The following PLCD3 variants were observed in gnomAD, a reference collection of about 807,000 sequenced individuals.
PLCD3 encodes 1-phosphatidylinositol 4,5-bisphosphate phosphodiesterase delta-3.
Under a neutral mutation model 82.8 loss-of-function variants are expected in PLCD3, and 62 were observed. The observed-to-expected ratio is 0.75, with a 90% confidence interval of 0.61 to 0.93. PLCD3 has a LOEUF of 0.93. Ranked by LOEUF, PLCD3 falls within the 40% of genes least tolerant of loss-of-function variation. The pLI is 0.00. For missense variants in PLCD3, 1,023 were observed against 1,103.4 expected, an observed-to-expected ratio of 0.93 and a Z score of 1.03; for synonymous variants, 478 against 471.8, an observed-to-expected ratio of 1.01 and a Z score of -0.17.
At position 45,132,132 on chromosome 17, in the gene PLCD3, A is replaced by T. The variant is rs1368568683; in HGVS notation, c.163+116T>A. On this transcript the variant is annotated intron_variant, in intron 1 of 14. Transcript: ENST00000619929. This position sits in a 1 kb window ranked among gnomAD's most constrained non-coding sequence, Gnocchi z 4.6. ...GGGAGCTGGCCCTCCGCCCCTAGCC[A>T]TAGCCTCCCAGCCCCGTGCAGCCTG... 1 of 1,116,744 alleles carries T rather than the reference A, an allele frequency of 9.0e-7. No individual in the cohort carries two copies. The highest frequency in any genetic ancestry group is 1.1e-6 in the Non-Finnish European group (1 of 884,832). 69.2% of individuals were successfully genotyped at this position (1,116,744 alleles called of 1,614,324 possible).
intron 1 of PLCD3, among the ~76,000 whole-genome samples, chr17:45,129,734 A>G (rs2054405913): frequency 6.6e-6 from 1 of 152,156 alleles, no homozygotes; most frequent in Non-Finnish European, 1.5e-5. Flanking sequence ...TCTCTCTTCA[A>G]TGATTCCCTG....
At position 45,132,204 on chromosome 17, in the gene PLCD3, G is replaced by A. The variant is rs1259220339; in HGVS notation, c.163+44C>T. ...TGGAGCGCCCCAGACTGGGCCTCTG[G>A]GAACGGTCCGCGCCCACCCCACCGC... On this transcript the variant is annotated intron_variant, in intron 1 of 14. Coordinates refer to ENST00000619929, the MANE Select transcript of PLCD3 (RefSeq NM_133373.5). The surrounding 1 kb of genome is among the most constrained non-coding windows in gnomAD (Gnocchi z 4.6). 1.6e-6 allele frequency: 2 copies of A among 1,244,336 alleles called. No individual in the cohort carries two copies. The highest frequency in any genetic ancestry group is 2.0e-6 in the Non-Finnish European group (2 of 993,618). The allele number at this position is 1,244,336 out of a possible 1,614,324, so 77.1% of individuals were successfully genotyped here.
At position 45,132,417 on chromosome 17, in the gene PLCD3, G is replaced by A. The variant is rs1029644977; in HGVS notation, c.-7C>T. The A allele has an allele frequency of 8.3e-7, 1 of 1,211,628 alleles. No homozygotes were observed. Among genetic ancestry groups the A allele is most frequent in the African/African-American group, 1.6e-5 (1 of 63,448 alleles). The allele number at this position is 1,211,628 out of a possible 1,614,324, so 75.1% of individuals were successfully genotyped here. A position where few individuals can be genotyped will look rare whatever the true frequency, so the allele number is the denominator to read the frequency against. On this transcript the variant is annotated 5_prime_UTR_variant, in exon 1 of 15. Transcript: ENST00000619929. The surrounding 1 kb of genome is among the most constrained non-coding windows in gnomAD (Gnocchi z 4.6). The stretch of plus-strand genomic sequence containing the variant: ...TCCAGCGGCCGCACAGCATGGCTTG[G>A]CGGGGGGCCGGGGCCGGGCCCGGGG...
chr17:45,118,825 G>A lies in PLCD3; in HGVS notation c.903C>T (p.Leu301=), dbSNP rs2054313169. The A allele has an allele frequency of 1.9e-6, 3 of 1,603,658 alleles. No homozygotes were observed. Among genetic ancestry groups the A allele is most frequent in the Non-Finnish European group, 8.5e-7 (1 of 1,173,758 alleles). ...TGCCACCCCCCCCACCTGTCTCGTT[G>A]AGCTCATAGGTCTGAATGAGCTGCT... The part of the protein sequence containing the change: ...RAQQLIQTYE[L]NETAKQHELM... Residue 301 remains leucine (L), a synonymous_variant, in exon 5 of 15, where the codon CTC becomes CTT. Coordinates refer to ENST00000619929, the MANE Select transcript of PLCD3 (RefSeq NM_133373.5). The surrounding 1 kb of genome is among the most constrained non-coding windows in gnomAD (Gnocchi z 4.1).
Position 45,111,408 on chromosome 17 carries a change from G to A in PLCD3, c.*1208C>T, listed in dbSNP as rs1238828007. 1 of 151,994 alleles carries A rather than the reference G, an allele frequency of 6.6e-6. No individual in the cohort carries two copies. Among genetic ancestry groups the A allele is most frequent in the Non-Finnish European group, 1.5e-5 (1 of 68,632 alleles). 9.4% of individuals were successfully genotyped at this position (151,994 alleles called of 1,614,324 possible). A position where few individuals can be genotyped will look rare whatever the true frequency, so the allele number is the denominator to read the frequency against. On this transcript the variant is annotated 3_prime_UTR_variant, in exon 15 of 15. Coordinates refer to ENST00000619929, the MANE Select transcript of PLCD3 (RefSeq NM_133373.5). ...TGTGTGTGTGTGTGTGTGTGTTGTG[G>A]GGAGGCGCTGACCTGCTGAATTGGC...
chr17:45,115,582 G>A (rs1433526634), intron 8 of PLCD3, 92 bp from the exon 9 acceptor site: 1 of 1,189,628 alleles, frequency 8.4e-7, no homozygotes, highest in South Asian at 1.4e-5. Context: ...CTTGTGAGGG[G>A]CTGGCTAGGG....
intron 1 of PLCD3, among the ~76,000 whole-genome samples, chr17:45,125,365 G>A (rs943635468): frequency 7.9e-5 from 12 of 152,128 alleles, no homozygotes; most frequent in East Asian, 3.9e-4. Flanking sequence ...TTGGGAGGCC[G>A]AGGCAGGCAG....
At chr17:45,123,577 C>T (rs532596402) in intron 1 of PLCD3, among the ~76,000 whole-genome samples, 3 of 152,260 alleles carry the variant, frequency 2.0e-5, no homozygotes, top group East Asian at 1.9e-4. Context: ...GCAGAGGCCT[C>T]GCAGGTCAGG....
At chr17:45,122,731 G>A (rs1210163960) in intron 1 of PLCD3, among the ~76,000 whole-genome samples, 2 of 152,046 alleles carry the variant, frequency 1.3e-5, no homozygotes, top group South Asian at 2.1e-4. Context: ...GGAGAGTTTC[G>A]GCCCTCTCCT....
chr17:45,124,180 G>T (rs1048999099), intron 1 of PLCD3, among the ~76,000 whole-genome samples: 5 of 152,216 alleles, frequency 3.3e-5, no homozygotes, highest in Admixed American at 1.3e-4. Flanking sequence ...CCATGGGTGT[G>T]GGGGAGATGA....
At position 45,132,162 on chromosome 17, in the gene PLCD3, A is replaced by C; in HGVS notation, c.163+86T>G. 1 of 1,199,392 alleles carries C rather than the reference A, an allele frequency of 8.3e-7. No individual in the cohort carries two copies. The highest frequency in any genetic ancestry group is 1.0e-6 in the Non-Finnish European group (1 of 959,474). 74.3% of individuals were successfully genotyped at this position (1,199,392 alleles called of 1,614,324 possible). A position where few individuals can be genotyped will look rare whatever the true frequency, so the allele number is the denominator to read the frequency against. On this transcript the variant is annotated intron_variant, in intron 1 of 14. Coordinates refer to ENST00000619929, the MANE Select transcript of PLCD3 (RefSeq NM_133373.5). This position sits in a 1 kb window ranked among gnomAD's most constrained non-coding sequence, Gnocchi z 4.6. The stretch of plus-strand genomic sequence containing the variant: ...CTCCCAGCCCCGTGCAGCCTGGGGA[A>C]TCCACGAACTGCTCCCTGGAGCGCC...
At chr17:45,127,810 G>A (rs2054392365) in intron 1 of PLCD3, among the ~76,000 whole-genome samples, 1 of 38,128 alleles carries the variant, frequency 2.6e-5, no homozygotes. Context: ...GTGAGTGTGT[G>A]CGTGTGAGTG....
chr17:45,120,360 C>G lies in PLCD3; in HGVS notation c.649G>C (p.Asp217His). ...IKSLLRMVNV[D>H]MNDMYAYLLF... The stretch of plus-strand genomic sequence containing the variant: ...AGGTAGGCGTACATGTCGTTCATGT[C>G]CACGTTGACCATTCTCAGCAGGCTC... Residue 217 changes from aspartate (D) to histidine (H), a missense_variant, in exon 4 of 15, where the codon GAC becomes CAC. By Grantham distance (81) the Asp-to-His change is moderately conservative. Around this residue, in one of 3 missense-constraint regions of PLCD3, gnomAD observed 448 missense variants for 406.3 expected, o/e 1.10. Coordinates refer to ENST00000619929, the MANE Select transcript of PLCD3 (RefSeq NM_133373.5). 1 of 1,613,992 alleles carries G rather than the reference C, an allele frequency of 6.2e-7. No homozygotes were observed. Among genetic ancestry groups the G allele is most frequent in the Non-Finnish European group, 8.5e-7 (1 of 1,179,876 alleles).
intron 12 of PLCD3, 44 bp downstream of exon 12, chr17:45,113,395 G>C (rs1166843357): frequency 6.4e-7 from 1 of 1,566,234 alleles, no homozygotes; most frequent in Admixed American, 1.9e-5. Flanking sequence ...AGCCTTTCTA[G>C]AACCAGTCTG....
At position 45,115,049 on chromosome 17, in the gene PLCD3, T is replaced by A. The variant is rs1186804778; in HGVS notation, c.1711+45A>T. 5 of 1,554,996 alleles carry A rather than the reference T, an allele frequency of 3.2e-6. 1 individual carries two copies. Among genetic ancestry groups the A allele is most frequent in the South Asian group, 2.4e-5 (2 of 82,744 alleles). ...TCCTTTCCAGACTCCCTTCAGGAGGTCTCTCACCCTCTCGCCCCCAGACAC... is the reference window on the plus strand; with the variant it reads ...TCCTTTCCAGACTCCCTTCAGGAGGACTCTCACCCTCTCGCCCCCAGACAC... On this transcript the variant is annotated intron_variant, in intron 10 of 14. Coordinates refer to ENST00000619929, the MANE Select transcript of PLCD3 (RefSeq NM_133373.5).
Position 45,113,592 on chromosome 17 carries a change from G to C in PLCD3, c.1842C>G (p.Phe614Leu), listed in dbSNP as rs1428579585. ...GGTCCATCTCGTAGCCTGGCGTCTG[G>C]AAGTTCAAGGCCACTGTGGACACAG... ...NSGCQLVALNFQTPGYEMDLN... is the reference protein window; with the variant it reads ...NSGCQLVALNLQTPGYEMDLN... The change falls in exon 12 of 15, where the codon TTC (phenylalanine) becomes TTG (leucine). Residue 614 changes from phenylalanine to leucine, a missense_variant. By Grantham distance (22) the Phe-to-Leu change is conservative. Transcript: ENST00000619929. The C allele has an allele frequency of 5.8e-6, 9 of 1,555,540 alleles. No individual in the cohort carries two copies. The South Asian group carries it at 9.5e-5, about 16-fold the overall frequency.
At chr17:45,117,789 G>A (rs984337087) in intron 7 of PLCD3, among the ~76,000 whole-genome samples, 1 of 152,216 alleles carries the variant, frequency 6.6e-6, no homozygotes, top group Admixed American at 6.5e-5. Flanking sequence ...ATATGAGAGA[G>A]GGAACATATT....
Position 45,121,049 on chromosome 17 carries a change from G to T in PLCD3, c.407C>A (p.Ala136Glu), listed in dbSNP as rs1029604503. Residue 136 changes from alanine (A) to glutamate (E), a missense_variant, in exon 3 of 15, where the codon GCG becomes GAG. Physicochemically the swap from Ala to Glu is moderately radical, Grantham distance 107. Around this residue, in one of 3 missense-constraint regions of PLCD3, gnomAD observed 448 missense variants for 406.3 expected, o/e 1.10. Transcript: ENST00000619929. ...CTTGAAGGCGATGGTGAGGCAGCGC[G>T]CTGGCGCGAAGGCACCCCCGAAGCG... ...LRRFGGAFAPARCLTIAFKGR... is the reference protein window; with the variant it reads ...LRRFGGAFAPERCLTIAFKGR... 8 of 1,539,948 alleles carry T rather than the reference G, an allele frequency of 5.2e-6. No individual in the cohort carries two copies.
intron 13 of PLCD3, 53 bp downstream of exon 13, chr17:45,113,068 AC>A: frequency 6.2e-7 from 1 of 1,607,846 alleles, no homozygotes; most frequent in Non-Finnish European, 8.5e-7. Context: ...ACCCTGCACC[AC>A]CCTTCGCTCT....
Sources: allele counts gnomAD v4.1 joint callset (sites outside exome capture counted in the v4.1 genomes callset), GRCh38; gene constraint gnomAD v4.1.1; regional missense constraint gnomAD v4.1.1; non-coding constraint Gnocchi (gnomAD v3.1); transcripts MANE v1.5; gene names NCBI Gene and HGNC (gene_info 2026-07-23, HGNC 2026-07-21).